The following GRIP2 variants were observed in gnomAD, a reference collection of about 807,000 sequenced individuals.
The protein encoded by GRIP2 is glutamate receptor interacting protein 2.
Under a neutral mutation model 108.3 loss-of-function variants are expected in GRIP2, and 58 were observed. The ratio of observed to expected loss-of-function variants is 0.54; its 90% CI spans 0.43 to 0.67. GRIP2 has a LOEUF of 0.67. Among genes scored for constraint, GRIP2 ranks in the 30% least tolerant of loss-of-function variants. The probability of loss-of-function intolerance (pLI) is 0.00; values close to 1 mark genes in which losing one functional copy is unlikely to be tolerated. For synonymous variants in GRIP2, 586 were observed against 598.2 expected, an observed-to-expected ratio of 0.98 and a Z score of 0.30; for missense variants, 1,278 against 1,430.6, an observed-to-expected ratio of 0.89 and a Z score of 1.72.
intron 1 of GRIP2, among the ~76,000 whole-genome samples, chr3:14,534,258 T>C (rs1399598155): frequency 1.3e-5 from 2 of 152,096 alleles, no homozygotes; most frequent in Non-Finnish European, 2.9e-5. Context: ...CATTTTCCCC[T>C]CTGTAAAATG....
chr3:14,555,968 C>T, exon 1 of GRIP2: 1 of 399,396 alleles, frequency 2.5e-6, no homozygotes, highest in East Asian at 3.6e-5. Context: ...GCCCTCCTGC[C>T]CTCCGGCAGA....
intron 1 of GRIP2, among the ~76,000 whole-genome samples, chr3:14,551,523 G>A (rs937990323): frequency 6.6e-6 from 1 of 152,214 alleles, no homozygotes; most frequent in Admixed American, 6.5e-5. Flanking sequence ...GAGAGCGGGA[G>A]GAGACTGTCC....
chr3:14,548,976 T>A (rs996381432), intron 1 of GRIP2, among the ~76,000 whole-genome samples: 7 of 152,138 alleles, frequency 4.6e-5, no homozygotes, highest in African/African-American at 1.4e-4. Flanking sequence ...GTGGGGTGTG[T>A]CTCCTTTACC....
intron 1 of GRIP2, among the ~76,000 whole-genome samples, chr3:14,538,266 G>A (rs549453550): frequency 6.6e-6 from 1 of 152,316 alleles, no homozygotes; most frequent in Admixed American, 6.5e-5. Flanking sequence ...CAACAGGGGA[G>A]GTCACATGAC....
chr3:14,517,302 G>A, intron 10 of GRIP2, 89 bp from the exon 11 acceptor site: 8 of 1,308,198 alleles, frequency 6.1e-6, no homozygotes, highest in Non-Finnish European at 8.2e-6. Flanking sequence ...CCCAACCACA[G>A]GGAGAGATGG....
chr3:14,555,807 A>G (rs914492595), intron 1 of GRIP2: 19 of 399,500 alleles, frequency 4.8e-5, no homozygotes, highest in African/African-American at 3.7e-4. Context: ...TCCGCGAGAG[A>G]GACGGGGAGG....
At chr3:14,582,734 C>A in the GRIP2 span, among the ~76,000 whole-genome samples, 3 of 152,192 alleles carry the variant, frequency 2.0e-5, no homozygotes, top group Non-Finnish European at 4.4e-5. Context: ...AGCATCTCAG[C>A]TGAGAGGGTG....
chr3:14,589,743 A>G, the GRIP2 span, among the ~76,000 whole-genome samples: 1 of 146,638 alleles, frequency 6.8e-6, no homozygotes, highest in African/African-American at 2.6e-5. Flanking sequence ...GTCAGCCTCT[A>G]CTTCCCCCAC....
chr3:14,535,344 C>T (rs1694810153), intron 1 of GRIP2, among the ~76,000 whole-genome samples: 1 of 152,160 alleles, frequency 6.6e-6, no homozygotes, highest in African/African-American at 2.4e-5. Context: ...TCAGACTTCT[C>T]CTCTGCAAAA....
At chr3:14,545,836 C>T (rs892414483), upstream of GRIP2, among the ~76,000 whole-genome samples, 6 of 152,232 alleles carry the variant, frequency 3.9e-5, no homozygotes, top group African/African-American at 1.4e-4. Flanking sequence ...ATTTACTAAG[C>T]ACCTACTACC....
chr3:14,496,184 GA>G (rs567080443), intron 22 of GRIP2, among the ~76,000 whole-genome samples: 218 of 152,000 alleles, frequency 1.4e-3, no homozygotes, highest in African/African-American at 4.8e-3. Context: ...TAAGTGGGGG[GA>G]AAAAAAGCAC....
chr3:14,534,982 T>A (rs1173106785), intron 1 of GRIP2, among the ~76,000 whole-genome samples: 1 of 152,096 alleles, frequency 6.6e-6, no homozygotes, highest in East Asian at 1.9e-4. Context: ...ACTGCTGCCC[T>A]GTTCTGTGAG....
At chr3:14,564,790 C>T in the GRIP2 span, among the ~76,000 whole-genome samples, 1 of 152,228 alleles carries the variant, frequency 6.6e-6, no homozygotes, top group Non-Finnish European at 1.5e-5. Context: ...AACACCCCAC[C>T]ACAGGGGGCC....
At chr3:14,574,713 A>T in the GRIP2 span, 3 of 572,932 alleles carry the variant, frequency 5.2e-6, no homozygotes, top group Non-Finnish European at 1.0e-5. Flanking sequence ...TGCCCAGCGC[A>T]AGGTGCCATC....
intron 21 of GRIP2, among the ~76,000 whole-genome samples, chr3:14,498,507 G>C (rs74869169): frequency 2.3e-4 from 35 of 152,182 alleles, no homozygotes; most frequent in African/African-American, 5.5e-4. Context: ...GGGTTGGAGT[G>C]GGGGGGAAGA....
Position 14,512,574 on chromosome 3 carries a change from G to A in GRIP2, c.1720+203C>T, listed in dbSNP as rs1694126424. ...AGGGGACTGCCATGGTGCAGAACGGGAAGCTGAAGCTTTGGGAAGCTGGGG... is the reference window on the plus strand; with the variant it reads ...AGGGGACTGCCATGGTGCAGAACGGAAAGCTGAAGCTTTGGGAAGCTGGGG... On this transcript the variant is annotated intron_variant, in intron 14 of 23. Coordinates refer to ENST00000621039, the MANE Select transcript of GRIP2 (RefSeq NM_001080423.4). The surrounding 1 kb of genome is among the most constrained non-coding windows in gnomAD (Gnocchi z 5.1). Among the ~76,000 whole-genome samples the A allele has an allele frequency of 6.6e-6, 1 of 152,206 alleles. No individual in the cohort carries two copies. Among genetic ancestry groups the A allele is most frequent in the Admixed American group, 6.5e-5 (1 of 15,286 alleles).
chr3:14,586,433 G>A, the GRIP2 span, among the ~76,000 whole-genome samples: 1 of 152,238 alleles, frequency 6.6e-6, no homozygotes. Flanking sequence ...CTGCAGGGCT[G>A]GGTGCCAGGG....
intron 23 of GRIP2, among the ~76,000 whole-genome samples, 182 bp downstream of exon 23, chr3:14,494,661 A>G (rs1335812287): frequency 6.6e-6 from 1 of 152,196 alleles, no homozygotes; most frequent in Non-Finnish European, 1.5e-5. Flanking sequence ...GTAAGAAGAA[A>G]GGTCTGTGTG....
At chr3:14,527,391 A>AGGCAAGGAAAGGAAAGGAAAGAAAG (rs72297166) in intron 1 of GRIP2, among the ~76,000 whole-genome samples, 1 of 140,626 alleles carries the variant, frequency 7.1e-6, no homozygotes, top group South Asian at 2.5e-4. Context: ...AGGAAAGGAA[A>AGGCAAGGAAAGGAAAGGAAAGAAAG]GAAAGGAAAG....
Sources: gnomAD v4.1 joint callset for allele counts (sites outside exome capture counted in the v4.1 genomes callset) on GRCh38, gnomAD v4.1.1 for gene constraint, Gnocchi (gnomAD v3.1) non-coding constraint, MANE v1.5 for transcripts, NCBI Gene and HGNC (gene_info 2026-07-23, HGNC 2026-07-21) for gene names.